The following MALRD1 variants were observed in gnomAD, a reference collection of about 807,000 sequenced individuals.
The protein encoded by MALRD1 is MAM and LDL-receptor class A domain-containing protein 1.
In MALRD1, 247 loss-of-function variants were observed where a neutral mutation model predicts 242.1. The ratio of observed to expected loss-of-function variants is 1.02; its 90% CI spans 0.92 to 1.13. The LOEUF is 1.13. Ranked by LOEUF, MALRD1 falls within the 50% of genes most tolerant of loss-of-function variation. MALRD1 has a pLI of 0.00. For missense variants in MALRD1, 2,989 were observed against 2,533.1 expected, an observed-to-expected ratio of 1.18 and a Z score of -3.86; for synonymous variants, 995 against 866.6, an observed-to-expected ratio of 1.15 and a Z score of -2.60.
At chr10:19,273,640 C>G (rs1050016361) in intron 19 of MALRD1, among the ~76,000 whole-genome samples, 1 of 152,130 alleles carries the variant, frequency 6.6e-6, no homozygotes, top group African/African-American at 2.4e-5. Context: ...AGGCTACATA[C>G]CCTATGATTC....
chr10:19,569,576 C>T (rs1164965963), intron 33 of MALRD1, among the ~76,000 whole-genome samples: 2 of 150,162 alleles, frequency 1.3e-5, no homozygotes, highest in African/African-American at 2.4e-5. Flanking sequence ...TTCTGCAGCT[C>T]ATGTCTTCAA....
At chr10:19,204,463 G>A (rs938655767) in intron 16 of MALRD1, 50 bp downstream of exon 16, 3 of 1,315,168 alleles carry the variant, frequency 2.3e-6, no homozygotes, top group African/African-American at 3.0e-5. Context: ...CACCCTGGTG[G>A]TGAAGTGTTT....
chr10:19,713,545 A>G (rs1471017443), intron 38 of MALRD1, among the ~76,000 whole-genome samples: 1 of 152,248 alleles, frequency 6.6e-6, no homozygotes, highest in African/African-American at 2.4e-5. Context: ...TAGGTTGTCA[A>G]CTTTTAATTG....
intron 24 of MALRD1, among the ~76,000 whole-genome samples, chr10:19,344,823 G>A (rs531955218): frequency 1.2e-4 from 18 of 151,744 alleles, no homozygotes; most frequent in African/African-American, 2.9e-4. Flanking sequence ...TCAGCATTTC[G>A]TGGTTTTCAG....
At chr10:19,490,439 G>T (rs900035839) in intron 29 of MALRD1, among the ~76,000 whole-genome samples, 7 of 139,528 alleles carry the variant, frequency 5.0e-5, no homozygotes, top group Admixed American at 7.9e-5. Context: ...CATACCTCTC[G>T]TTAAAACTGA....
intron 28 of MALRD1, among the ~76,000 whole-genome samples, chr10:19,444,351 A>G (rs918171883): frequency 3.9e-5 from 6 of 152,188 alleles, no homozygotes; most frequent in Non-Finnish European, 8.8e-5. Flanking sequence ...TCCTGTCATT[A>G]TGATGTTAGC....
chr10:19,420,279 A>T (rs1341566449), intron 28 of MALRD1, among the ~76,000 whole-genome samples: 2 of 151,790 alleles, frequency 1.3e-5, no homozygotes, highest in Non-Finnish European at 2.9e-5. Context: ...AATCGGAATG[A>T]GTCAGGGTGG....
At chr10:19,062,723 G>A (rs1023170158) in intron 1 of MALRD1, among the ~76,000 whole-genome samples, 7 of 152,154 alleles carry the variant, frequency 4.6e-5, no homozygotes, top group Admixed American at 6.5e-5. Flanking sequence ...GGTTGCCAGG[G>A]TTTGAGTAGG....
At chr10:19,556,932 G>A (rs73595842) in intron 32 of MALRD1, among the ~76,000 whole-genome samples, 2 of 151,998 alleles carry the variant, frequency 1.3e-5, no homozygotes. Context: ...GAGTTCCTGT[G>A]GCTCTATATC....
chr10:19,458,441 T>A (rs1835773451), intron 29 of MALRD1, among the ~76,000 whole-genome samples: 1 of 152,226 alleles, frequency 6.6e-6, no homozygotes. Flanking sequence ...TAATTTTGAC[T>A]TTTCAGTGAA....
chr10:19,719,182 A>G (rs1834577795), intron 38 of MALRD1, among the ~76,000 whole-genome samples: 1 of 103,430 alleles, frequency 9.7e-6, no homozygotes, highest in Admixed American at 1.2e-4. Flanking sequence ...ATACATATAT[A>G]TATATATACA....
At chr10:19,315,924 G>A (rs1842687325) in intron 21 of MALRD1, among the ~76,000 whole-genome samples, 1 of 148,830 alleles carries the variant, frequency 6.7e-6, no homozygotes, top group South Asian at 2.1e-4. Context: ...TAGTATAGTA[G>A]TATACTGTTA....
intron 5 of MALRD1, among the ~76,000 whole-genome samples, chr10:19,106,576 A>G (rs1588553079): frequency 6.6e-6 from 1 of 151,854 alleles, no homozygotes; most frequent in Admixed American, 6.6e-5. Flanking sequence ...CTTTTTTAAA[A>G]AAACAACTTT....
chr10:19,451,040 T>C (rs1348474836), intron 29 of MALRD1, among the ~76,000 whole-genome samples: 1 of 152,208 alleles, frequency 6.6e-6, no homozygotes, highest in African/African-American at 2.4e-5. Flanking sequence ...AGTCAGACCA[T>C]AGCGATATCT....
At chr10:19,521,593 C>T (rs1289467152) in intron 31 of MALRD1, among the ~76,000 whole-genome samples, 5 of 152,066 alleles carry the variant, frequency 3.3e-5, no homozygotes, top group Non-Finnish European at 1.5e-5. Context: ...TCATTCTTGG[C>T]CATTGATCTA....
chr10:19,183,379 T>C (rs1382584913), intron 14 of MALRD1, among the ~76,000 whole-genome samples: 1 of 151,970 alleles, frequency 6.6e-6, no homozygotes, highest in African/African-American at 2.4e-5. Flanking sequence ...CAAATGAGCA[T>C]ATCACTTCTC....
chr10:19,323,487 G>A (rs943060056), intron 21 of MALRD1, among the ~76,000 whole-genome samples: 2 of 152,120 alleles, frequency 1.3e-5, no homozygotes, highest in African/African-American at 2.4e-5. Flanking sequence ...AATCAAAGTG[G>A]CAGAAGTATT....
At chr10:19,156,462 GTTT>G (rs36080909) in intron 12 of MALRD1, among the ~76,000 whole-genome samples, 25 of 126,564 alleles carry the variant, frequency 2.0e-4, no homozygotes, top group East Asian at 7.2e-4. Flanking sequence ...GATATAGAGC[GTTT>G]TTTTTTTTTT....
At chr10:19,246,397 G>C (rs534380542) in intron 18 of MALRD1, among the ~76,000 whole-genome samples, 1 of 152,270 alleles carries the variant, frequency 6.6e-6, no homozygotes, top group Admixed American at 6.5e-5. Flanking sequence ...TATACCCAGA[G>C]GGGGAGACAC....
Sources: gnomAD v4.1 joint callset for allele counts (sites outside exome capture counted in the v4.1 genomes callset) on GRCh38, gnomAD v4.1.1 for gene constraint, MANE v1.5 for transcripts, NCBI Gene and HGNC (gene_info 2026-07-23, HGNC 2026-07-21) for gene names.